ZDHHC14: variants seen among roughly 807,000 people sequenced by gnomAD.
ZDHHC14 encodes the protein palmitoyltransferase ZDHHC14.
Under a neutral mutation model 47.7 loss-of-function variants are expected in ZDHHC14, and 16 were observed. The ratio of observed to expected loss-of-function variants is 0.34; its 90% CI spans 0.23 to 0.51. The LOEUF (loss-of-function observed/expected upper bound fraction) is 0.51. ZDHHC14 is among the 20% of genes least tolerant of loss of function. The pLI is 0.97. For synonymous variants in ZDHHC14, 293 were observed against 278.9 expected, an observed-to-expected ratio of 1.05 and a Z score of -0.50; for missense variants, 515 against 662.5, an observed-to-expected ratio of 0.78 and a Z score of 2.44.
chr6:157,623,729 T>C (rs1379249436), intron 3 of ZDHHC14, among the ~76,000 whole-genome samples: 2 of 151,886 alleles, frequency 1.3e-5, no homozygotes, highest in Non-Finnish European at 2.9e-5. Flanking sequence ...TTTGTATTTT[T>C]AGTAGAGACG....
intron 1 of ZDHHC14, among the ~76,000 whole-genome samples, chr6:157,464,568 G>A (rs1562435842): frequency 6.6e-6 from 1 of 152,178 alleles, no homozygotes. Context: ...AGATTTTAGG[G>A]TGAATGTATG....
intron 3 of ZDHHC14, among the ~76,000 whole-genome samples, chr6:157,619,108 T>G (rs969348117): frequency 6.6e-6 from 1 of 151,908 alleles, no homozygotes; most frequent in Non-Finnish European, 1.5e-5. Flanking sequence ...CACCCAATTT[T>G]GGAAAGCAGG....
At chr6:157,617,587 C>A (rs1785020419) in intron 3 of ZDHHC14, among the ~76,000 whole-genome samples, 2 of 152,192 alleles carry the variant, frequency 1.3e-5, no homozygotes, top group Non-Finnish European at 2.9e-5. Context: ...ACAACTTTCT[C>A]ACCATGTATA....
At chr6:157,585,710 A>C (rs1783668247) in intron 2 of ZDHHC14, among the ~76,000 whole-genome samples, 1 of 152,232 alleles carries the variant, frequency 6.6e-6, no homozygotes, top group Non-Finnish European at 1.5e-5. Context: ...TGTGGAAGAA[A>C]GAACAGCGGG....
At chr6:157,654,272 G>T (rs1218768915) in intron 8 of ZDHHC14, among the ~76,000 whole-genome samples, 1 of 151,872 alleles carries the variant, frequency 6.6e-6, no homozygotes, top group African/African-American at 2.4e-5. Context: ...GGGGGAGGGG[G>T]CAGGAGTCGC....
intron 5 of ZDHHC14, 39 bp from the exon 6 acceptor site, chr6:157,645,698 C>T (rs1214455684): frequency 1.3e-6 from 2 of 1,554,948 alleles, no homozygotes; most frequent in East Asian, 2.2e-5. Flanking sequence ...ACTTCTTGCG[C>T]GGTCCCTCAC....
chr6:157,513,573 G>A (rs757924452), intron 1 of ZDHHC14, among the ~76,000 whole-genome samples: 3 of 151,972 alleles, frequency 2.0e-5, no homozygotes, highest in South Asian at 2.1e-4. Context: ...TTTGCTGTTC[G>A]GTATTTAGGA....
intron 1 of ZDHHC14, among the ~76,000 whole-genome samples, chr6:157,540,910 G>GTGTGTGTATATATATA (rs1284429244): frequency 1.6e-5 from 2 of 122,980 alleles, no homozygotes; most frequent in African/African-American, 8.7e-5. Context: ...GTGTGTGTGT[G>GTGTGTGTATATATATA]TATATATATA....
chr6:157,533,429 T>C (rs1159319098), intron 1 of ZDHHC14, among the ~76,000 whole-genome samples: 1 of 152,080 alleles, frequency 6.6e-6, no homozygotes, highest in African/African-American at 2.4e-5. Context: ...TGCAGCACAG[T>C]CAGGGAAGGC....
intron 1 of ZDHHC14, among the ~76,000 whole-genome samples, chr6:157,504,972 G>T (rs139016361): frequency 1.1e-4 from 16 of 151,630 alleles, no homozygotes; most frequent in Admixed American, 9.9e-4. Flanking sequence ...CACCACACCC[G>T]GCTAATTTTG....
chr6:157,540,910 G>GTGTGTGTGTATATATATATATATA (rs1284429244), intron 1 of ZDHHC14, among the ~76,000 whole-genome samples: 28 of 122,968 alleles, frequency 2.3e-4, no homozygotes, highest in African/African-American at 9.5e-4. Flanking sequence ...GTGTGTGTGT[G>GTGTGTGTGTATATATATATATATA]TATATATATA....
intron 6 of ZDHHC14, chr6:157,646,501 T>C (rs1777561086): frequency 6.6e-6 from 1 of 151,228 alleles, no homozygotes; most frequent in Non-Finnish European, 1.5e-5. Context: ...TAATCCCAGC[T>C]ATTCAGGAGG....
At chr6:157,537,163 A>C (rs573010179) in intron 1 of ZDHHC14, among the ~76,000 whole-genome samples, 21 of 152,226 alleles carry the variant, frequency 1.4e-4, no homozygotes, top group Non-Finnish European at 2.5e-4. Context: ...AGTTCTGAGC[A>C]GAGGAAGGAT....
chr6:157,407,182 G>A (rs945230382), intron 1 of ZDHHC14, among the ~76,000 whole-genome samples: 4 of 152,182 alleles, frequency 2.6e-5, no homozygotes, highest in Non-Finnish European at 4.4e-5. Flanking sequence ...CACCTAGTAA[G>A]CAGCAGAACT....
intron 1 of ZDHHC14, among the ~76,000 whole-genome samples, chr6:157,444,097 T>A (rs564997512): frequency 6.6e-6 from 1 of 152,372 alleles, no homozygotes; most frequent in African/African-American, 2.4e-5. Flanking sequence ...GTTAAGGAAC[T>A]TGCCCAAAGT....
intron 3 of ZDHHC14, among the ~76,000 whole-genome samples, chr6:157,602,489 CAAAAAA>C (rs552594669): frequency 9.9e-5 from 6 of 60,616 alleles, no homozygotes; most frequent in Admixed American, 5.4e-4. Context: ...GACTCCGTTT[CAAAAAA>C]AAAAAAAAAA....
intron 3 of ZDHHC14, among the ~76,000 whole-genome samples, chr6:157,611,990 C>T (rs1038657012): frequency 6.6e-6 from 1 of 152,186 alleles, no homozygotes; most frequent in African/African-American, 2.4e-5. Context: ...TCCCGCTGGA[C>T]ATGTCCACTT....
intron 1 of ZDHHC14, among the ~76,000 whole-genome samples, chr6:157,510,198 C>T (rs1032892682): frequency 2.0e-5 from 3 of 152,110 alleles, no homozygotes; most frequent in South Asian, 2.1e-4. Context: ...GGGCCCAGAT[C>T]GCGCCACTGC....
chr6:157,539,344 C>T, intron 1 of ZDHHC14, among the ~76,000 whole-genome samples: 1 of 151,934 alleles, frequency 6.6e-6, no homozygotes, highest in Non-Finnish European at 1.5e-5. Context: ...TTCAAAGCTG[C>T]AGTGAGCCAT....
Sources: gnomAD v4.1 joint callset for allele counts (sites outside exome capture counted in the v4.1 genomes callset) on GRCh38, gnomAD v4.1.1 for gene constraint, MANE v1.5 for transcripts, NCBI Gene and HGNC (gene_info 2026-07-23, HGNC 2026-07-21) for gene names.